Variants in ELOVL6 observed in about 807,000 individuals in gnomAD.
ELOVL6 encodes very long chain fatty acid elongase 6.
Under a neutral mutation model 31.7 loss-of-function variants are expected in ELOVL6, and 8 were observed. The ratio of observed to expected loss-of-function variants is 0.25; its 90% CI spans 0.15 to 0.45. ELOVL6 has a LOEUF of 0.45. ELOVL6 is among the 20% of genes least tolerant of loss of function. The pLI is 1.00. For missense variants in ELOVL6, 126 were observed against 326.4 expected, an observed-to-expected ratio of 0.39 and a Z score of 4.73; for synonymous variants, 101 against 117.7, an observed-to-expected ratio of 0.86 and a Z score of 0.92.
At chr4:110,092,741 G>T (rs75792330) in intron 2 of ELOVL6, among the ~76,000 whole-genome samples, 12,301 of 152,116 alleles carry the variant, frequency 0.081, 644 homozygotes, top group South Asian at 0.14. Context: ...TTCATTAAAA[G>T]TTCATTCCTT....
intron 2 of ELOVL6, among the ~76,000 whole-genome samples, chr4:110,071,714 G>A (rs115579300): frequency 0.02 from 2,976 of 152,224 alleles, 92 homozygotes; most frequent in African/African-American, 0.068. Flanking sequence ...GATGCCAGGC[G>A]TCTAAGCACC....
chr4:110,158,657 A>ATATATTTTTTTTTTT, intron 1 of ELOVL6, among the ~76,000 whole-genome samples: 4 of 74,158 alleles, frequency 5.4e-5, no homozygotes, highest in Non-Finnish European at 6.9e-5. Context: ...ATATATATAT[A>ATATATTTTTTTTTTT]TTTTTTTTTT....
chr4:110,189,693 G>A lies in ELOVL6; in HGVS notation c.89+8554C>T, dbSNP rs966890170. On this transcript the variant is annotated intron_variant, in intron 1 of 3. Coordinates refer to ENST00000302274, the MANE Select transcript of ELOVL6 (RefSeq NM_024090.3). Reference sequence around the variant, plus strand: ...ACTTTAAATAGGATTATAGGGCTTGGCGCAGTGGCTCACACCTGTAATCCC... The same window carrying A: ...ACTTTAAATAGGATTATAGGGCTTGACGCAGTGGCTCACACCTGTAATCCC... Among the ~76,000 whole-genome samples the A allele has an allele frequency of 5.3e-5, 8 of 150,496 alleles. No homozygotes were observed. In the East Asian group the frequency reaches 1.6e-3, roughly 30 times the overall value.
chr4:110,061,794 G>A (rs572206281), intron 2 of ELOVL6, among the ~76,000 whole-genome samples: 1 of 152,054 alleles, frequency 6.6e-6, no homozygotes, highest in South Asian at 2.1e-4. Context: ...CTGACCTCGT[G>A]ATCCACCTGC....
At chr4:110,178,882 A>C (rs990320288) in intron 1 of ELOVL6, among the ~76,000 whole-genome samples, 2 of 152,150 alleles carry the variant, frequency 1.3e-5, no homozygotes, top group African/African-American at 4.8e-5. Flanking sequence ...GACTTACACC[A>C]AAATGTTAGT....
intron 1 of ELOVL6, among the ~76,000 whole-genome samples, chr4:110,187,731 G>A (rs1191684927): frequency 1.5e-4 from 22 of 151,374 alleles, no homozygotes; most frequent in Admixed American, 1.5e-3. Context: ...GTGATAGTAC[G>A]TAAATCTGTT....
chr4:110,084,380 T>TATGAC (rs1560815121), intron 2 of ELOVL6, among the ~76,000 whole-genome samples: 13 of 89,230 alleles, frequency 1.5e-4, no homozygotes, highest in East Asian at 1.2e-3. Context: ...ATATATGATA[T>TATGAC]ATATCGCATA....
chr4:110,101,828 C>G (rs1193786357), intron 2 of ELOVL6, among the ~76,000 whole-genome samples: 5 of 152,106 alleles, frequency 3.3e-5, no homozygotes. Flanking sequence ...GTGCGTGACA[C>G]CATGCCTGGC....
chr4:110,094,443 A>ATATAT (rs1470574642), intron 2 of ELOVL6, among the ~76,000 whole-genome samples: 6 of 59,360 alleles, frequency 1.0e-4, no homozygotes, highest in South Asian at 6.7e-4. Flanking sequence ...ATATATATAT[A>ATATAT]ATATATATAA....
chr4:110,181,222 G>A (rs1408454446), intron 1 of ELOVL6, among the ~76,000 whole-genome samples: 2 of 152,072 alleles, frequency 1.3e-5, no homozygotes, highest in African/African-American at 2.4e-5. Flanking sequence ...TGAGGCGGGT[G>A]GATTGCTCGA....
chr4:110,091,261 T>A (rs1241378928), intron 2 of ELOVL6, among the ~76,000 whole-genome samples: 2 of 152,198 alleles, frequency 1.3e-5, no homozygotes, highest in Non-Finnish European at 2.9e-5. Flanking sequence ...CCAAGGTTGA[T>A]GGAAGATGGG....
intron 2 of ELOVL6, among the ~76,000 whole-genome samples, chr4:110,084,129 G>GTTATATA (rs1756045223): frequency 2.0e-4 from 8 of 40,382 alleles, no homozygotes; most frequent in African/African-American, 5.4e-4. Context: ...TAACATATAT[G>GTTATATA]TGATAATGAT....
At chr4:110,170,229 C>T (rs1024036925) in intron 1 of ELOVL6, among the ~76,000 whole-genome samples, 2 of 152,110 alleles carry the variant, frequency 1.3e-5, no homozygotes, top group African/African-American at 4.8e-5. Context: ...AAATAAAGTT[C>T]CCTTATCAGC....
chr4:110,120,518 G>A (rs1286605745), intron 1 of ELOVL6, among the ~76,000 whole-genome samples: 1 of 152,040 alleles, frequency 6.6e-6, no homozygotes, highest in African/African-American at 2.4e-5. Context: ...TCTCCTATGG[G>A]AACTTGATGC....
At chr4:110,065,280 TG>T (rs1293907797) in intron 2 of ELOVL6, among the ~76,000 whole-genome samples, 2 of 152,172 alleles carry the variant, frequency 1.3e-5, no homozygotes, top group Non-Finnish European at 2.9e-5. Context: ...GTGTATGTAT[TG>T]GGGTCCTTTT....
intron 1 of ELOVL6, among the ~76,000 whole-genome samples, chr4:110,195,625 A>C (rs1298464443): frequency 6.6e-6 from 1 of 152,158 alleles, no homozygotes; most frequent in Non-Finnish European, 1.5e-5. Context: ...TGACTGCAAT[A>C]AGCAATCTAA....
At chr4:110,151,074 T>A (rs970464546) in intron 1 of ELOVL6, among the ~76,000 whole-genome samples, 41 of 152,194 alleles carry the variant, frequency 2.7e-4, no homozygotes, top group African/African-American at 9.6e-4. Context: ...ATATAAACTT[T>A]AACTTTGAAA....
chr4:110,188,946 G>C (rs539106499), intron 1 of ELOVL6, among the ~76,000 whole-genome samples: 1 of 151,858 alleles, frequency 6.6e-6, no homozygotes, highest in Admixed American at 6.6e-5. Context: ...AGGTAACCAT[G>C]TATTAACTGT....
intron 2 of ELOVL6, among the ~76,000 whole-genome samples, chr4:110,088,952 A>C (rs549515671): frequency 6.6e-6 from 1 of 152,294 alleles, no homozygotes; most frequent in South Asian, 2.1e-4. Flanking sequence ...GAAACCACAG[A>C]AAGTAAAATC....
Sources: allele counts gnomAD v4.1 joint callset (sites outside exome capture counted in the v4.1 genomes callset), GRCh38; gene constraint gnomAD v4.1.1; transcripts MANE v1.5; gene names NCBI Gene and HGNC (gene_info 2026-07-23, HGNC 2026-07-21).